Variants in NOX4 observed in about 807,000 individuals in gnomAD.
NOX4 encodes the protein NADPH oxidase 4.
NOX4 carries 69 observed loss-of-function variants against 87.6 expected under a neutral mutation model. The observed-to-expected ratio is 0.79, with a 90% CI of 0.65 to 0.96. The LOEUF (loss-of-function observed/expected upper bound fraction) is 0.96, where lower values mean the gene tolerates loss of function less well. Among genes scored for constraint, NOX4 ranks in the 40% least tolerant of loss-of-function variants. The pLI is 0.00. For synonymous variants in NOX4, 275 were observed against 238.2 expected, an observed-to-expected ratio of 1.15 and a Z score of -1.42; for missense variants, 680 against 681.5, an observed-to-expected ratio of 1.00 and a Z score of 0.02.
chr11:89,490,700 A>C, intron 1 of NOX4, 147 bp from the exon 2 acceptor site: 1 of 719,754 alleles, frequency 1.4e-6, no homozygotes, highest in Admixed American at 2.0e-5. Flanking sequence ...ATTAACCAGC[A>C]AGCTGAAAAC....
the NOX4 span, among the ~76,000 whole-genome samples, chr11:89,512,929 T>A: frequency 6.6e-6 from 1 of 152,094 alleles, no homozygotes; most frequent in African/African-American, 2.4e-5. Flanking sequence ...TCTAGCAGAG[T>A]TCTGAGAACA....
chr11:89,418,434 T>TAATA (rs1942907960), intron 8 of NOX4, among the ~76,000 whole-genome samples: 1 of 112,048 alleles, frequency 8.9e-6, no homozygotes, highest in Admixed American at 9.8e-5. Context: ...ATAATAATAA[T>TAATA]AATAATAATA....
the NOX4 span, among the ~76,000 whole-genome samples, chr11:89,536,876 C>A: frequency 6.6e-6 from 1 of 152,136 alleles, no homozygotes; most frequent in Non-Finnish European, 1.5e-5. Context: ...CACACTGATT[C>A]AAAACTTCCA....
rs558546132 is a variant in NOX4, at chr11:89,388,630, G to A, written c.1074+11387C>T. Among the ~76,000 whole-genome samples the A allele has an allele frequency of 2.7e-4, 41 of 152,250 alleles. 1 individual carries two copies. The South Asian group carries it at 4.4e-3, about 16-fold the overall frequency. On this transcript the variant is annotated intron_variant, in intron 11 of 17. Transcript: ENST00000263317. ...TCTGCTGCATGCAATATGCCTGCCA[G>A]CCTGTTTTCAAGGAAACCTAACCTA...
intron 5 of NOX4, among the ~76,000 whole-genome samples, chr11:89,442,393 A>G (rs779775427): frequency 6.6e-6 from 1 of 152,162 alleles, no homozygotes; most frequent in Non-Finnish European, 1.5e-5. Context: ...AAATTCTACA[A>G]CTACAGATCT....
chr11:89,373,294 A>C lies in NOX4; in HGVS notation c.1135+138T>G, dbSNP rs1442445329. 1.5e-3 allele frequency: 750 copies of C among 494,836 alleles called. 7 individuals are homozygous for C. The highest frequency in any genetic ancestry group is 1.0e-2 in the African/African-American group (498 of 49,820). The allele number at this position is 494,836 out of a possible 1,614,324, so 30.7% of individuals were successfully genotyped here. On this transcript the variant is annotated intron_variant, in intron 12 of 17. Coordinates refer to ENST00000263317, the MANE Select transcript of NOX4 (RefSeq NM_016931.5). ...TGTACAAGCAAAAAAAAAAAAAAAAAAAAACAAAAAAAAACCCAGAACAGC... is the reference window on the plus strand; with the variant it reads ...TGTACAAGCAAAAAAAAAAAAAAAACAAAACAAAAAAAAACCCAGAACAGC...
chr11:89,361,494 T>C (rs1591022033), intron 12 of NOX4, among the ~76,000 whole-genome samples: 1 of 152,030 alleles, frequency 6.6e-6, no homozygotes, highest in Non-Finnish European at 1.5e-5. Context: ...AAAAACTACA[T>C]ATTGGGTACA....
chr11:89,487,713 C>T (rs1440885712), intron 2 of NOX4, among the ~76,000 whole-genome samples: 3 of 152,136 alleles, frequency 2.0e-5, no homozygotes, highest in African/African-American at 7.2e-5. Context: ...AGATGCATCA[C>T]TCTAAGATGC....
At chr11:89,498,062 A>G (rs1946978015) in exon 1 of NOX4, 1 of 151,812 alleles carries the variant, frequency 6.6e-6, no homozygotes, top group South Asian at 2.1e-4. Flanking sequence ...GCCCATGTAG[A>G]CTCTTCCCAG....
At chr11:89,373,730 A>G (rs1228754500) in intron 11 of NOX4, among the ~76,000 whole-genome samples, 7 of 152,048 alleles carry the variant, frequency 4.6e-5, no homozygotes, top group Non-Finnish European at 1.0e-4. Flanking sequence ...AATAAATTAC[A>G]CACGTTAAAA....
At chr11:89,472,532 T>A (rs1330548355) in intron 2 of NOX4, among the ~76,000 whole-genome samples, 2 of 152,330 alleles carry the variant, frequency 1.3e-5, no homozygotes, top group East Asian at 3.9e-4. Context: ...TTGTTTTATG[T>A]CATCATTTTT....
intron 12 of NOX4, among the ~76,000 whole-genome samples, chr11:89,371,718 G>A (rs1363011687): frequency 6.6e-6 from 1 of 151,172 alleles, no homozygotes; most frequent in African/African-American, 2.4e-5. Flanking sequence ...ACTTATATTG[G>A]GCATATTGTG....
At chr11:89,452,483 C>T (rs757830366) in intron 2 of NOX4, among the ~76,000 whole-genome samples, 1 of 152,174 alleles carries the variant, frequency 6.6e-6, no homozygotes, top group Non-Finnish European at 1.5e-5. Flanking sequence ...CACTGGTATA[C>T]AAGCATTCAT....
intron 13 of NOX4, among the ~76,000 whole-genome samples, chr11:89,351,757 C>T (rs1223051545): frequency 6.6e-6 from 1 of 151,688 alleles, no homozygotes; most frequent in Admixed American, 6.6e-5. Context: ...TTTAAGCCCA[C>T]CAGAGAAAAA....
chr11:89,585,949 T>G, the NOX4 span, among the ~76,000 whole-genome samples: 1 of 152,188 alleles, frequency 6.6e-6, no homozygotes, highest in East Asian at 1.9e-4. Context: ...AATTCAACAA[T>G]AATATTTCAC....
the NOX4 span, among the ~76,000 whole-genome samples, chr11:89,525,595 T>C: frequency 6.6e-6 from 1 of 152,122 alleles, no homozygotes; most frequent in African/African-American, 2.4e-5. Flanking sequence ...GTTATAACTG[T>C]TCTTTATGTA....
At chr11:89,491,517 G>A, upstream of NOX4, 2 of 463,676 alleles carry the variant, frequency 4.3e-6, no homozygotes, top group Non-Finnish European at 3.8e-6. Flanking sequence ...CTGAGCGCGC[G>A]GCCCAGGCTG....
chr11:89,518,114 A>C, the NOX4 span, among the ~76,000 whole-genome samples: 5 of 152,110 alleles, frequency 3.3e-5, no homozygotes, highest in African/African-American at 9.7e-5. Flanking sequence ...GGGTTTTTCA[A>C]CTTTGAAAAA....
the NOX4 span, among the ~76,000 whole-genome samples, chr11:89,503,287 A>G: frequency 4.6e-5 from 7 of 151,994 alleles, no homozygotes; most frequent in African/African-American, 7.2e-5. Flanking sequence ...TCTCCCATAC[A>G]GACTAATTTA....
Sources: gnomAD v4.1 joint callset for allele counts (sites outside exome capture counted in the v4.1 genomes callset) on GRCh38, gnomAD v4.1.1 for gene constraint, MANE v1.5 for transcripts, NCBI Gene and HGNC (gene_info 2026-07-23, HGNC 2026-07-21) for gene names.